The following FER variants were observed in gnomAD, a reference collection of about 807,000 sequenced individuals.
The protein encoded by FER is tyrosine-protein kinase Fer.
In FER, 63 loss-of-function variants were observed where a neutral mutation model predicts 111.0. That is an observed-to-expected ratio of 0.57 (90% CI 0.46 to 0.70). The LOEUF is 0.70. FER is among the 30% of genes least tolerant of loss of function. The probability of loss-of-function intolerance (pLI) is 0.00; values close to 1 mark genes in which losing one functional copy is unlikely to be tolerated. For synonymous variants in FER, 327 were observed against 313.9 expected, an observed-to-expected ratio of 1.04 and a Z score of -0.44; for missense variants, 914 against 954.0, an observed-to-expected ratio of 0.96 and a Z score of 0.55.
intron 13 of FER, among the ~76,000 whole-genome samples, chr5:109,008,236 G>T (rs952240902): frequency 6.6e-6 from 1 of 152,144 alleles, no homozygotes; most frequent in African/African-American, 2.4e-5. Context: ...CTATTTAAAT[G>T]ACATAATGGT....
At chr5:109,058,714 T>G (rs535433456) in intron 16 of FER, among the ~76,000 whole-genome samples, 9 of 138,688 alleles carry the variant, frequency 6.5e-5, no homozygotes, top group African/African-American at 2.2e-4. Context: ...TTCTTTTTCT[T>G]TCTTTCTTTC....
intron 16 of FER, among the ~76,000 whole-genome samples, chr5:109,094,360 A>G (rs947351546): frequency 1.3e-5 from 2 of 152,162 alleles, no homozygotes; most frequent in Non-Finnish European, 2.9e-5. Flanking sequence ...CCGAAATTCA[A>G]AATGCTCCTT....
chr5:108,953,840 C>T (rs893690206), intron 11 of FER, among the ~76,000 whole-genome samples: 7 of 151,840 alleles, frequency 4.6e-5, no homozygotes, highest in East Asian at 3.9e-4. Context: ...GTACCTTAAC[C>T]GCAAAGTACT....
intron 3 of FER, among the ~76,000 whole-genome samples, chr5:108,812,744 A>G (rs1757895535): frequency 1.3e-5 from 2 of 151,824 alleles, no homozygotes; most frequent in South Asian, 4.1e-4. Flanking sequence ...TGTTATTTTA[A>G]TGGTTGCATT....
chr5:109,102,411 G>A (rs1748345337), intron 17 of FER, among the ~76,000 whole-genome samples: 1 of 152,072 alleles, frequency 6.6e-6, no homozygotes, highest in Non-Finnish European at 1.5e-5. Flanking sequence ...TTAGTGAATG[G>A]TAGTGGCTCT....
intron 3 of FER, among the ~76,000 whole-genome samples, chr5:108,810,030 T>G (rs1757584458): frequency 2.0e-5 from 3 of 152,192 alleles, no homozygotes; most frequent in Admixed American, 2.0e-4. Flanking sequence ...ACTTCTAATT[T>G]TTGTAATTAT....
At chr5:109,112,149 T>G (rs1749697475) in intron 17 of FER, among the ~76,000 whole-genome samples, 1 of 152,150 alleles carries the variant, frequency 6.6e-6, no homozygotes, top group Non-Finnish European at 1.5e-5. Context: ...TTGTTTGTTT[T>G]TTTTTAGGTT....
At chr5:108,988,983 A>G (rs1350497684) in intron 13 of FER, among the ~76,000 whole-genome samples, 1 of 152,074 alleles carries the variant, frequency 6.6e-6, no homozygotes, top group Non-Finnish European at 1.5e-5. Flanking sequence ...ACATTGTGTC[A>G]TTGTTATTGT....
At chr5:108,924,085 GT>G (rs1248103271) in intron 10 of FER, among the ~76,000 whole-genome samples, 4 of 136,666 alleles carry the variant, frequency 2.9e-5, no homozygotes, top group African/African-American at 1.2e-4. Context: ...GCCAGGTGCA[GT>G]AAGCTCACAC....
chr5:108,794,375 G>A lies in FER; in HGVS notation c.-59-3749G>A, dbSNP rs867718281. On this transcript the variant is annotated intron_variant, in intron 2 of 19. Transcript: ENST00000281092. ...TGGGATTACATGTGCCCGCCTCCAC[G>A]CCCAGCTAATTTTTTGTACTTTTAG... Among the ~76,000 whole-genome samples the A allele has an allele frequency of 3.3e-5, 5 of 151,718 alleles. No individual in the cohort carries two copies. In the South Asian group the frequency reaches 6.3e-4, roughly 19 times the overall value.
intron 11 of FER, among the ~76,000 whole-genome samples, chr5:108,953,930 A>G (rs532597394): frequency 6.6e-6 from 1 of 152,258 alleles, no homozygotes; most frequent in Non-Finnish European, 1.5e-5. Context: ...ACTTGTAATC[A>G]GAAAATGTGT....
intron 3 of FER, among the ~76,000 whole-genome samples, chr5:108,817,181 G>C (rs1039874900): frequency 1.5e-5 from 2 of 135,552 alleles, no homozygotes; most frequent in Non-Finnish European, 3.1e-5. Flanking sequence ...TGAACCACTA[G>C]TCCAGGGAAA....
chr5:108,819,964 A>T (rs1344742545), intron 3 of FER: 33 of 985,160 alleles, frequency 3.3e-5, no homozygotes, highest in African/African-American at 5.2e-5. Flanking sequence ...TATTGAGCTG[A>T]TGGGGCCAAT....
chr5:108,786,035 A>G (rs1561415950), intron 2 of FER, among the ~76,000 whole-genome samples: 1 of 152,174 alleles, frequency 6.6e-6, no homozygotes, highest in African/African-American at 2.4e-5. Flanking sequence ...TTCTAATTTC[A>G]GTTTCTGTGG....
chr5:108,803,125 T>C (rs1756853869), intron 3 of FER, among the ~76,000 whole-genome samples: 2 of 152,234 alleles, frequency 1.3e-5, no homozygotes, highest in South Asian at 4.1e-4. Context: ...ATGTGTTTGT[T>C]GGCCACTTGT....
intron 17 of FER, among the ~76,000 whole-genome samples, chr5:109,105,669 A>T (rs1445509414): frequency 6.6e-6 from 1 of 152,116 alleles, no homozygotes; most frequent in Non-Finnish European, 1.5e-5. Context: ...GCTAGGTCCT[A>T]AATGTGCTGA....
intron 10 of FER, among the ~76,000 whole-genome samples, chr5:108,900,923 C>T (rs535759265): frequency 5.9e-5 from 9 of 152,274 alleles, no homozygotes; most frequent in African/African-American, 2.2e-4. Context: ...CGTTTGCTCT[C>T]TCCAAAACTC....
At chr5:108,900,243 A>G (rs922553106) in intron 10 of FER, among the ~76,000 whole-genome samples, 1 of 152,236 alleles carries the variant, frequency 6.6e-6, no homozygotes, top group Non-Finnish European at 1.5e-5. Flanking sequence ...CAGAACAATT[A>G]GAAATTTTTA....
At chr5:108,802,467 A>T (rs1412403730) in intron 3 of FER, among the ~76,000 whole-genome samples, 1 of 152,166 alleles carries the variant, frequency 6.6e-6, no homozygotes, top group Non-Finnish European at 1.5e-5. Flanking sequence ...CCAAAGTCGT[A>T]AGCATAATAC....
Sources: gnomAD v4.1 joint callset for allele counts (sites outside exome capture counted in the v4.1 genomes callset) on GRCh38, gnomAD v4.1.1 for gene constraint, MANE v1.5 for transcripts, NCBI Gene and HGNC (gene_info 2026-07-23, HGNC 2026-07-21) for gene names.